Variants in DYRK2 observed in about 807,000 individuals in gnomAD.
DYRK2 encodes dual specificity tyrosine phosphorylation regulated kinase 2, also known as dual specificity tyrosine-phosphorylation-regulated kinase 2.
In DYRK2, 12 loss-of-function variants were observed where a neutral mutation model predicts 41.6. The observed-to-expected ratio is 0.29, with a 90% CI of 0.18 to 0.47. DYRK2 has a LOEUF of 0.47. DYRK2 is among the 20% of genes least tolerant of loss of function. The pLI is 1.00. For synonymous variants in DYRK2, 322 were observed against 315.7 expected (o/e 1.02, Z -0.21); for missense variants, 678 against 798.4 (o/e 0.85, Z 1.82).
chr12:67,661,429 C>T lies in DYRK2; in HGVS notation c.*2716C>T, dbSNP rs1872621163. 1.2e-5 allele frequency: 2 copies of T among 166,992 alleles called. No individual in the cohort carries two copies. Among genetic ancestry groups the T allele is most frequent in the South Asian group, 4.2e-4 (2 of 4,812 alleles). The allele number at this position is 166,992 out of a possible 1,614,324, so 10.3% of individuals were successfully genotyped here. A position where few individuals can be genotyped will look rare whatever the true frequency, so the allele number is the denominator to read the frequency against. On this transcript the variant is annotated 3_prime_UTR_variant, in exon 3 of 3. Coordinates refer to ENST00000344096, the MANE Select transcript of DYRK2 (RefSeq NM_006482.3). ...TCTTGCACCACCAGCGTGTTCATTA[C>T]CACTTAAATATATTGCTACAGCAGT...
At position 67,661,109 on chromosome 12, in the gene DYRK2, T is replaced by TC. The variant is rs1319878382; in HGVS notation, c.*2399dup. ...CAGCACTGTAGGGCTTTTTTTTTTTTCCCTCCAAATACAGTGAAATTTTTT... is the reference window on the plus strand; with the variant it reads ...CAGCACTGTAGGGCTTTTTTTTTTTTCCCCTCCAAATACAGTGAAATTTTTT... On this transcript the variant is annotated 3_prime_UTR_variant, in exon 3 of 3. Coordinates refer to ENST00000344096, the MANE Select transcript of DYRK2 (RefSeq NM_006482.3). 2.4e-5 allele frequency: 4 copies of TC among 166,352 alleles called. No homozygotes were observed. The highest frequency in any genetic ancestry group is 4.4e-5 in the Non-Finnish European group (3 of 68,042). The allele number at this position is 166,352 out of a possible 1,614,324, so 10.3% of individuals were successfully genotyped here.
At position 67,658,821 on chromosome 12, in the gene DYRK2, C is replaced by A; in HGVS notation, c.*108C>A. On this transcript the variant is annotated 3_prime_UTR_variant, in exon 3 of 3. Transcript: ENST00000344096. The surrounding 1 kb of genome is among the most constrained non-coding windows in gnomAD (Gnocchi z 4.3). ...TTTTTATTTGCTCAATAACTCTACT[C>A]ATTTGTATCTTTTCAGCACTTAATT... is the stretch of plus-strand genomic sequence containing the variant. 4.1e-6 allele frequency: 5 copies of A among 1,220,976 alleles called. No individual in the cohort carries two copies. Among genetic ancestry groups the A allele is most frequent in the Non-Finnish European group, 5.6e-6 (5 of 889,454 alleles). 75.6% of individuals were successfully genotyped at this position (1,220,976 alleles called of 1,614,324 possible).
In DYRK2 at chr12:67,657,620, A is replaced by G. The variant is rs749061660; in HGVS notation, c.713A>G (p.Lys238Arg). 2.5e-6 allele frequency: 4 copies of G among 1,613,966 alleles called. No homozygotes were observed. In the South Asian group the frequency reaches 3.3e-5, roughly 13 times the overall value. The change falls in exon 3 of 3, where the codon AAG (lysine) becomes AGG (arginine). Residue 238 changes from lysine (K) to arginine (R), a missense_variant. This residue lies in a region of DYRK2 where 393 missense variants were observed against 519.1 expected (regional missense o/e 0.76). Coordinates refer to ENST00000344096, the MANE Select transcript of DYRK2 (RefSeq NM_006482.3). This position sits in a 1 kb window ranked among gnomAD's most constrained non-coding sequence, Gnocchi z 4.8. ...IGKGSFGQVVKAYDHKVHQHV... is the reference protein window; with the variant it reads ...IGKGSFGQVVRAYDHKVHQHV... ...AAGGGGAGCTTTGGGCAGGTGGTCA[A>G]GGCCTACGATCACAAAGTCCACCAG...
In DYRK2 at chr12:67,657,723, C is replaced by G. The variant is rs145398019; in HGVS notation, c.816C>G (p.His272Gln). ...QAAEEIRILEHLRKQDKDNTM... is the reference protein window; with the variant it reads ...QAAEEIRILEQLRKQDKDNTM... Reference sequence around the variant, plus strand: ...CGGAGGAGATCCGAATCCTGGAACACCTGCGGAAGCAGGACAAGGATAACA... The same window carrying G: ...CGGAGGAGATCCGAATCCTGGAACAGCTGCGGAAGCAGGACAAGGATAACA... Residue 272 changes from histidine (H) to glutamine (Q), a missense_variant, in exon 3 of 3, where the codon CAC (histidine) becomes CAG (glutamine). Around this residue, in one of 2 missense-constraint regions of DYRK2, gnomAD observed 393 missense variants for 519.1 expected, o/e 0.76. Coordinates refer to ENST00000344096, the MANE Select transcript of DYRK2 (RefSeq NM_006482.3). The surrounding 1 kb of genome is among the most constrained non-coding windows in gnomAD (Gnocchi z 4.8). 6.2e-7 allele frequency: 1 copy of G among 1,614,146 alleles called. No homozygotes were observed. Among genetic ancestry groups the G allele is most frequent in the East Asian group, 2.2e-5 (1 of 44,860 alleles).
rs1872257361 is a variant in DYRK2, at chr12:67,649,809, A to G, written c.62A>G (p.Asp21Gly). 2.3e-6 allele frequency: 3 copies of G among 1,328,342 alleles called. No individual in the cohort carries two copies. The highest frequency in any genetic ancestry group is 1.9e-6 in the Non-Finnish European group (2 of 1,032,688). 82.3% of individuals were successfully genotyped at this position (1,328,342 alleles called of 1,614,324 possible). A position where few individuals can be genotyped will look rare whatever the true frequency, so the allele number is the denominator to read the frequency against. Reference protein sequence around the residue: ...PAAYPTGRGGDSAVRQLQASP... With the variant: ...PAAYPTGRGGGSAVRQLQASP... ...ACGTGGCTTCCAGGCCGAGGTGGGG[A>G]CAGCGCCGTTCGTCAGCTTCAGGCT... Residue 21 changes from aspartate (D) to glycine (G), a missense_variant, in exon 2 of 3, where the codon GAC (aspartate) becomes GGC (glycine). Asp to Gly is a moderately conservative substitution (Grantham distance 94). Around this residue, in one of 2 missense-constraint regions of DYRK2, gnomAD observed 285 missense variants for 279.2 expected, o/e 1.02. Coordinates refer to ENST00000344096, the MANE Select transcript of DYRK2 (RefSeq NM_006482.3).
chr12:67,651,277 AT>A (rs1250686849), intron 2 of DYRK2, among the ~76,000 whole-genome samples: 1 of 152,082 alleles, frequency 6.6e-6, no homozygotes, highest in Non-Finnish European at 1.5e-5. Context: ...AGGGGTTTGG[AT>A]TTTTTTGTTT....
At chr12:67,655,089 C>T (rs1475668279) in intron 2 of DYRK2, among the ~76,000 whole-genome samples, 3 of 152,132 alleles carry the variant, frequency 2.0e-5, no homozygotes, top group Non-Finnish European at 4.4e-5. Flanking sequence ...GTTTTAGTTA[C>T]TAAAACATTT....
In DYRK2 at chr12:67,657,204, C is replaced by T. The variant is rs1872498083; in HGVS notation, c.297C>T (p.Asn99=). The change falls in exon 3 of 3, where the codon AAC becomes AAT. Residue 99 remains asparagine, a synonymous_variant. Coordinates refer to ENST00000344096, the MANE Select transcript of DYRK2 (RefSeq NM_006482.3). The surrounding 1 kb of genome is among the most constrained non-coding windows in gnomAD (Gnocchi z 4.8). ...QVQQLFEDNS[N]KRTVLTTQPN... ...AACAGTTGTTTGAGGATAACAGTAA[C>T]AAGCGGACAGTGCTCACGACACAAC... 6.2e-7 allele frequency: 1 copy of T among 1,613,870 alleles called. No individual in the cohort carries two copies. The highest frequency in any genetic ancestry group is 1.1e-5 in the South Asian group (1 of 91,020).
chr12:67,665,311 G>A lies in DYRK2; in HGVS notation c.*6598G>A, dbSNP rs1298398429. The stretch of plus-strand genomic sequence containing the variant: ...CCATGAAAAGCCCCAAATCATTTAA[G>A]TAAAGCTTACTGAATTGTTTTCAAT... On this transcript the variant is annotated 3_prime_UTR_variant, in exon 3 of 3. Transcript: ENST00000344096. The A allele has an allele frequency of 6.6e-6, 1 of 152,150 alleles. No individual in the cohort carries two copies. Among genetic ancestry groups the A allele is most frequent in the Non-Finnish European group, 1.5e-5 (1 of 68,016 alleles). 9.4% of individuals were successfully genotyped at this position (152,150 alleles called of 1,614,324 possible).
chr12:67,649,816 C>G lies in DYRK2; in HGVS notation c.69C>G (p.Ala23=). 1.5e-6 allele frequency: 2 copies of G among 1,329,228 alleles called. No homozygotes were observed. The highest frequency in any genetic ancestry group is 1.9e-6 in the Non-Finnish European group (2 of 1,033,144). The allele number at this position is 1,329,228 out of a possible 1,614,324, so 82.3% of individuals were successfully genotyped here. ...AYPTGRGGDS[A]VRQLQASPGL... is the part of the protein sequence containing the mutation. ...TTCCAGGCCGAGGTGGGGACAGCGC[C>G]GTTCGTCAGCTTCAGGCTTCCCCGG... is the stretch of plus-strand genomic sequence containing the variant. Residue 23 remains alanine, a synonymous_variant, in exon 2 of 3, where the codon GCC becomes GCG. Transcript: ENST00000344096.
At position 67,657,750 on chromosome 12, in the gene DYRK2, A is replaced by G. The variant is rs370274242; in HGVS notation, c.843A>G (p.Thr281=). 9 of 1,614,202 alleles carry G rather than the reference A, an allele frequency of 5.6e-6. No individual in the cohort carries two copies. Among genetic ancestry groups the G allele is most frequent in the Admixed American group, 1.7e-5 (1 of 60,028 alleles). Residue 281 remains threonine, a synonymous_variant, in exon 3 of 3, where the codon ACA becomes ACG. Transcript: ENST00000344096. The surrounding 1 kb of genome is among the most constrained non-coding windows in gnomAD (Gnocchi z 4.8). ...EHLRKQDKDN[T]MNVIHMLENF... is the part of the protein sequence containing the mutation. Reference sequence around the variant, plus strand: ...TGCGGAAGCAGGACAAGGATAACACAATGAATGTCATCCATATGCTGGAGA... The same window carrying G: ...TGCGGAAGCAGGACAAGGATAACACGATGAATGTCATCCATATGCTGGAGA...
At position 67,658,917 on chromosome 12, in the gene DYRK2, T is replaced by A; in HGVS notation, c.*204T>A. ...GACAATGCTTTAAGTTTTTATACTT[T>A]CAGAAACTTTTTGTGTTCTAAAAGT... On this transcript the variant is annotated 3_prime_UTR_variant, in exon 3 of 3. Transcript: ENST00000344096. This position sits in a 1 kb window ranked among gnomAD's most constrained non-coding sequence, Gnocchi z 4.3. 5.7e-6 allele frequency: 3 copies of A among 527,316 alleles called. No homozygotes were observed. The South Asian group carries it at 1.4e-4, about 24-fold the overall frequency. 32.7% of individuals were successfully genotyped at this position (527,316 alleles called of 1,614,324 possible). A position where few individuals can be genotyped will look rare whatever the true frequency, so the allele number is the denominator to read the frequency against.
In DYRK2 at chr12:67,664,436, A is replaced by G. The variant is rs969265949; in HGVS notation, c.*5723A>G. The G allele has an allele frequency of 6.6e-6, 1 of 152,154 alleles. No homozygotes were observed. Among genetic ancestry groups the G allele is most frequent in the Non-Finnish European group, 1.5e-5 (1 of 68,014 alleles). 9.4% of individuals were successfully genotyped at this position (152,154 alleles called of 1,614,324 possible). The stretch of plus-strand genomic sequence containing the variant: ...ATTGTATCACATGTTCCAGAAGAGC[A>G]TTACCCCTTACATAGAAAGCTCCTT... On this transcript the variant is annotated 3_prime_UTR_variant, in exon 3 of 3. Transcript: ENST00000344096.
Position 67,661,904 on chromosome 12 carries a change from A to C in DYRK2, c.*3191A>C, listed in dbSNP as rs1357928798. 6.0e-6 allele frequency: 1 copy of C among 166,872 alleles called. No individual in the cohort carries two copies. The highest frequency in any genetic ancestry group is 2.4e-5 in the African/African-American group (1 of 41,444). 10.3% of individuals were successfully genotyped at this position (166,872 alleles called of 1,614,324 possible). On this transcript the variant is annotated 3_prime_UTR_variant, in exon 3 of 3. Transcript: ENST00000344096. ...GATTAATCCCAGGGCATTTGGTATG[A>C]ACCAAAGTGCATTCCTTTTATATGT...
rs549647443 is a variant in DYRK2 at position 67,657,052 on chromosome 12, C to T, written c.199-54C>T. The T allele has an allele frequency of 1.7e-5, 26 of 1,511,234 alleles. No homozygotes were observed. Among genetic ancestry groups the T allele is most frequent in the African/African-American group, 8.4e-5 (6 of 71,756 alleles). 93.6% of individuals were successfully genotyped at this position (1,511,234 alleles called of 1,614,324 possible). ...GGTGTTGTTGGGGGTTACTTATACA[C>T]CATTTGAACAGACACCACTTCTTTT... On this transcript the variant is annotated intron_variant, in intron 2 of 2. Transcript: ENST00000344096. This position sits in a 1 kb window ranked among gnomAD's most constrained non-coding sequence, Gnocchi z 4.8.
rs1872221435 is a variant in DYRK2 at position 67,649,067 on chromosome 12, C to T, written c.-67C>T. 1 of 1,375,942 alleles carries T rather than the reference C, an allele frequency of 7.3e-7. No individual in the cohort carries two copies. The highest frequency in any genetic ancestry group is 3.2e-5 in the East Asian group (1 of 30,934). The allele number at this position is 1,375,942 out of a possible 1,614,324, so 85.2% of individuals were successfully genotyped here. On this transcript the variant is annotated 5_prime_UTR_variant, in exon 1 of 3. Transcript: ENST00000344096. ...GGCCGGGAGGCGGCGGCGGCGGCCG[C>T]CAGAAGTAGCAGCAGGACCGGCGGC... is the stretch of plus-strand genomic sequence containing the variant.
Position 67,662,101 on chromosome 12 carries a change from A to T in DYRK2, c.*3388A>T, listed in dbSNP as rs1380381807. ...GCCATATTGGAATCCTAAAGTGTGA[A>T]TTATTTTAAGGAGAGCATTCATTTT... is the stretch of plus-strand genomic sequence containing the variant. On this transcript the variant is annotated 3_prime_UTR_variant, in exon 3 of 3. Coordinates refer to ENST00000344096, the MANE Select transcript of DYRK2 (RefSeq NM_006482.3). 6.0e-6 allele frequency: 1 copy of T among 166,566 alleles called. No individual in the cohort carries two copies. Among genetic ancestry groups the T allele is most frequent in the Non-Finnish European group, 1.5e-5 (1 of 68,078 alleles). The allele number at this position is 166,566 out of a possible 1,614,324, so 10.3% of individuals were successfully genotyped here.
intron 2 of DYRK2, among the ~76,000 whole-genome samples, chr12:67,653,207 A>G (rs1161582993): frequency 6.6e-6 from 1 of 152,204 alleles, no homozygotes; most frequent in Middle Eastern, 3.2e-3. Flanking sequence ...TCAGACTTCA[A>G]GAGGCTGAGC....
rs772092011 is a variant in DYRK2, at chr12:67,658,738, C to T, written c.*25C>T. The stretch of plus-strand genomic sequence containing the variant: ...AGCTCACGTCCCCTGATGCTGGTAA[C>T]CTGAAAGATACGACATTGCTGAGCC... On this transcript the variant is annotated 3_prime_UTR_variant, in exon 3 of 3. Transcript: ENST00000344096. The surrounding 1 kb of genome is among the most constrained non-coding windows in gnomAD (Gnocchi z 4.3). The T allele has an allele frequency of 6.4e-7, 1 of 1,572,296 alleles. No individual in the cohort carries two copies. The highest frequency in any genetic ancestry group is 1.8e-5 in the Admixed American group (1 of 55,080).
Sources: allele counts gnomAD v4.1 joint callset (sites outside exome capture counted in the v4.1 genomes callset), GRCh38; gene constraint gnomAD v4.1.1; regional missense constraint gnomAD v4.1.1; non-coding constraint Gnocchi (gnomAD v3.1); transcripts MANE v1.5; gene names NCBI Gene and HGNC (gene_info 2026-07-23, HGNC 2026-07-21).